PAPPA: variants seen among roughly 807,000 people sequenced by gnomAD.
PAPPA encodes the protein pappalysin 1.
In PAPPA, 60 loss-of-function variants were observed where a neutral mutation model predicts 164.0. The ratio of observed to expected loss-of-function variants is 0.37; its 90% CI spans 0.30 to 0.45. PAPPA has a LOEUF of 0.45. Among genes scored for constraint, PAPPA ranks in the 20% least tolerant of loss-of-function variants. PAPPA has a pLI of 1.00. For synonymous variants in PAPPA, 875 were observed against 814.1 expected (o/e 1.07, Z -1.27); for missense variants, 1,782 against 2,087.3 (o/e 0.85, Z 2.85).
At chr9:116,203,777 G>A (rs1198072865) in intron 2 of PAPPA, among the ~76,000 whole-genome samples, 1 of 152,166 alleles carries the variant, frequency 6.6e-6, no homozygotes, top group Non-Finnish European at 1.5e-5. Flanking sequence ...GATACATGGA[G>A]TGCATCACAT....
chr9:116,326,367 C>T (rs1414718080), intron 10 of PAPPA, among the ~76,000 whole-genome samples: 1 of 152,028 alleles, frequency 6.6e-6, no homozygotes, highest in Non-Finnish European at 1.5e-5. Context: ...ACCCCAGGGA[C>T]CAACTATTTT....
intron 7 of PAPPA, among the ~76,000 whole-genome samples, chr9:116,250,993 T>C (rs2118779689): frequency 6.6e-6 from 1 of 152,246 alleles, no homozygotes; most frequent in African/African-American, 2.4e-5. Context: ...GTGCCGGTGA[T>C]GGGGTTGGTA....
At chr9:116,200,898 C>T (rs1213674612) in intron 2 of PAPPA, among the ~76,000 whole-genome samples, 2 of 152,252 alleles carry the variant, frequency 1.3e-5, no homozygotes, top group African/African-American at 4.8e-5. Flanking sequence ...GAAAGAATGA[C>T]TCATTCAATA....
In PAPPA at chr9:116,361,527, C is replaced by CCAT. The variant is rs199529841; in HGVS notation, c.4348-1063_4348-1061dup. 5.8e-3 allele frequency among the ~76,000 whole-genome samples: 889 copies of CCAT among 152,372 alleles called. 10 individuals carry two copies. Among genetic ancestry groups the CCAT allele is most frequent in the African/African-American group, 0.02 (851 of 41,588 alleles). ...TTTTTCATCATTTGCACACGCCCTT[C>CCAT]CATCTTCCAGGAATATCTTCTGTTC... On this transcript the variant is annotated intron_variant, in intron 17 of 21. Coordinates refer to ENST00000328252, the MANE Select transcript of PAPPA (RefSeq NM_002581.5).
Position 116,205,573 on chromosome 9 carries a change from T to C in PAPPA, c.1479-1883T>C, listed in dbSNP as rs1844224810. Reference sequence around the variant, plus strand: ...CTCTGGGCCTGGGTGAGCTTGGAAATGAGGGTGAGGTTGTGGGAAGGGTTG... The same window carrying C: ...CTCTGGGCCTGGGTGAGCTTGGAAACGAGGGTGAGGTTGTGGGAAGGGTTG... On this transcript the variant is annotated intron_variant, in intron 2 of 21. Transcript: ENST00000328252. Among the ~76,000 whole-genome samples the C allele has an allele frequency of 1.3e-5, 2 of 152,108 alleles. 1 individual carries two copies. The highest frequency in any genetic ancestry group is 4.2e-4 in the South Asian group (2 of 4,818).
Position 116,398,171 on chromosome 9 carries a change from T to C in PAPPA, c.*1555T>C, listed in dbSNP as rs1588036017. 3 of 155,004 alleles carry C rather than the reference T, an allele frequency of 1.9e-5. No homozygotes were observed. In the South Asian group the frequency reaches 6.0e-4, roughly 31 times the overall value. 9.6% of individuals were successfully genotyped at this position (155,004 alleles called of 1,614,324 possible). On this transcript the variant is annotated 3_prime_UTR_variant, in exon 22 of 22. Coordinates refer to ENST00000328252, the MANE Select transcript of PAPPA (RefSeq NM_002581.5). ...GCCCCCACCACTTTGGGGATCTCTT[T>C]ATTTCTTTTCAGCCAGGGACCTGTC... is the stretch of plus-strand genomic sequence containing the variant.
At chr9:116,362,303 T>C (rs576491846) in intron 17 of PAPPA, among the ~76,000 whole-genome samples, 3 of 152,270 alleles carry the variant, frequency 2.0e-5, no homozygotes, top group Non-Finnish European at 4.4e-5. Context: ...TTGGCTCTGA[T>C]TGAAATTTCT....
chr9:116,223,686 T>G (rs1043349417), intron 5 of PAPPA, among the ~76,000 whole-genome samples: 6 of 152,228 alleles, frequency 3.9e-5, no homozygotes, highest in Non-Finnish European at 5.9e-5. Context: ...TAAATTGTTG[T>G]AAAGAAATGG....
chr9:116,214,611 C>A lies in PAPPA; in HGVS notation c.1918+2679C>A, dbSNP rs543168176. The stretch of plus-strand genomic sequence containing the variant: ...ATGGGGGGAAGCCTAATTCAGTAGG[C>A]AGGCTGGACAGAGCTCCAGAGGAGT... On this transcript the variant is annotated intron_variant, in intron 4 of 21. Transcript: ENST00000328252. 3.0e-4 allele frequency among the ~76,000 whole-genome samples: 46 copies of A among 152,264 alleles called. 1 individual carries two copies. In the South Asian group the frequency reaches 9.3e-3, roughly 31 times the overall value.
chr9:116,231,563 G>C (rs1280739186), intron 6 of PAPPA, among the ~76,000 whole-genome samples: 1 of 151,994 alleles, frequency 6.6e-6, no homozygotes, highest in Non-Finnish European at 1.5e-5. Flanking sequence ...CCTGAGAACA[G>C]AGATCATGTT....
chr9:116,264,574 G>T (rs1336976089), intron 7 of PAPPA, among the ~76,000 whole-genome samples: 1 of 152,108 alleles, frequency 6.6e-6, no homozygotes, highest in Non-Finnish European at 1.5e-5. Flanking sequence ...CTGTTATCTT[G>T]TTGGCCTTAA....
At chr9:116,383,783 T>G (rs1251496035) in intron 21 of PAPPA, among the ~76,000 whole-genome samples, 1 of 152,172 alleles carries the variant, frequency 6.6e-6, no homozygotes, top group Non-Finnish European at 1.5e-5. Flanking sequence ...CTACCCTTCT[T>G]TGGTTTCGGT....
rs531200143 is a variant in PAPPA, at chr9:116,259,465, C to T, written c.2733-6392C>T. On this transcript the variant is annotated intron_variant, in intron 7 of 21. Transcript: ENST00000328252. Reference sequence around the variant, plus strand: ...TATGTATTAATATAGAAAAACAAAACTTAATTTAAAATAGGCAAAAAGATG... The same window carrying T: ...TATGTATTAATATAGAAAAACAAAATTTAATTTAAAATAGGCAAAAAGATG... 5.6e-4 allele frequency among the ~76,000 whole-genome samples: 85 copies of T among 152,060 alleles called. No individual in the cohort carries two copies. The Middle Eastern group carries it at 0.017, about 30-fold the overall frequency.
chr9:116,346,947 T>C (rs1347329548), intron 14 of PAPPA, 79 bp from the exon 15 acceptor site: 2 of 1,247,950 alleles, frequency 1.6e-6, no homozygotes, highest in Non-Finnish European at 2.2e-6. Flanking sequence ...CTCTGAGCCG[T>C]CACCTTGGGA....
chr9:116,159,328 T>C (rs1160837043), intron 1 of PAPPA, among the ~76,000 whole-genome samples: 1 of 152,216 alleles, frequency 6.6e-6, no homozygotes, highest in Non-Finnish European at 1.5e-5. Context: ...ATCTAGGAAG[T>C]AGCTGCATCT....
intron 10 of PAPPA, among the ~76,000 whole-genome samples, chr9:116,328,762 C>T (rs1845952316): frequency 6.6e-6 from 1 of 152,156 alleles, no homozygotes; most frequent in Non-Finnish European, 1.5e-5. Flanking sequence ...CCCTGGCCAA[C>T]TTCTTCATGG....
In PAPPA at chr9:116,154,485, C is replaced by T; in HGVS notation, c.313C>T (p.Gln105Ter). 7.6e-7 allele frequency: 1 copy of T among 1,308,936 alleles called. No homozygotes were observed. The highest frequency in any genetic ancestry group is 9.7e-7 in the Non-Finnish European group (1 of 1,027,310). 81.1% of individuals were successfully genotyped at this position (1,308,936 alleles called of 1,614,324 possible). The change falls in exon 1 of 22, where the codon CAG (glutamine) becomes TAG (stop). Residue 105 changes from glutamine to a stop codon, truncating the protein, a stop_gained. Transcript: ENST00000328252. LOFTEE classifies it high-confidence loss of function. This position sits in a 1 kb window ranked among gnomAD's most constrained non-coding sequence, Gnocchi z 5.2. Reference sequence around the variant, plus strand: ...GCTCTATTTCAGCGGGCGAGGCGAGCAGCTGCGCCTCCGGGCCGACCTCGA... The same window carrying T: ...GCTCTATTTCAGCGGGCGAGGCGAGTAGCTGCGCCTCCGGGCCGACCTCGA... ...RALYFSGRGE[Q>*]LRLRADLELP...
intron 7 of PAPPA, among the ~76,000 whole-genome samples, chr9:116,240,459 T>G (rs1226480828): frequency 2.0e-5 from 3 of 152,174 alleles, no homozygotes; most frequent in African/African-American, 7.2e-5. Flanking sequence ...TCCTGGTGCA[T>G]TCCAAGCACG....
At chr9:116,169,492 G>C (rs1002388271) in intron 1 of PAPPA, among the ~76,000 whole-genome samples, 1 of 150,936 alleles carries the variant, frequency 6.6e-6, no homozygotes, top group African/African-American at 2.4e-5. Context: ...GCTAATTTTT[G>C]TATTTTTATT....
Sources: allele counts gnomAD v4.1 joint callset (sites outside exome capture counted in the v4.1 genomes callset), GRCh38; gene constraint gnomAD v4.1.1; non-coding constraint Gnocchi (gnomAD v3.1); transcripts MANE v1.5; gene names NCBI Gene and HGNC (gene_info 2026-07-23, HGNC 2026-07-21).